Variants in NPAS3 observed in about 807,000 individuals in gnomAD.
The protein encoded by NPAS3 is neuronal PAS domain protein 3, also known as neuronal PAS domain-containing protein 3.
NPAS3 carries 14 observed loss-of-function variants against 73.1 expected under a neutral mutation model. The ratio of observed to expected loss-of-function variants is 0.19; its 90% CI spans 0.13 to 0.30. NPAS3 has a LOEUF of 0.30. Among genes scored for constraint, NPAS3 ranks in the 10% least tolerant of loss-of-function variants. The probability of loss-of-function intolerance (pLI) is 1.00; values close to 1 mark genes in which losing one functional copy is unlikely to be tolerated. For synonymous variants in NPAS3, 620 were observed against 541.5 expected (o/e 1.14, Z -2.01); for missense variants, 1,096 against 1,250.0 (o/e 0.88, Z 1.86).
rs56745336 is a variant in NPAS3 at position 33,142,661 on chromosome 14, G to A, written c.141-72521G>A. ...CTTTTACATCTTTTGTTAACTTAAG[G>A]AATATCTATTTGATCTTTTTATTGG... On this transcript the variant is annotated intron_variant, in intron 2 of 11. Coordinates refer to ENST00000356141, the Ensembl canonical transcript of NPAS3. Among the ~76,000 whole-genome samples the A allele has an allele frequency of 3.8e-3, 576 of 152,240 alleles. 2 individuals are homozygous for A. Among genetic ancestry groups the A allele is most frequent in the African/African-American group, 0.013 (560 of 41,548 alleles).
chr14:33,611,548 T>G (rs1266495624), intron 5 of NPAS3, among the ~76,000 whole-genome samples: 1 of 144,248 alleles, frequency 6.9e-6, no homozygotes, highest in East Asian at 2.2e-4. Flanking sequence ...CTCCAGAGCT[T>G]ATAATGCCCT....
intron 1 of NPAS3, among the ~76,000 whole-genome samples, chr14:32,985,930 A>T (rs1263184130): frequency 6.6e-6 from 1 of 152,232 alleles, no homozygotes; most frequent in African/African-American, 2.4e-5. Flanking sequence ...AAGGTCCACG[A>T]TTCTTCATAA....
chr14:33,712,514 T>A (rs1392743461), intron 6 of NPAS3, among the ~76,000 whole-genome samples: 3 of 152,172 alleles, frequency 2.0e-5, no homozygotes, highest in Non-Finnish European at 4.4e-5. Context: ...AATGCACAAC[T>A]TTTTTAGTGT....
downstream of NPAS3, chr14:33,802,383 A>AAG (rs1472328556): frequency 1.3e-5 from 2 of 150,136 alleles, no homozygotes; most frequent in Non-Finnish European, 3.0e-5. Context: ...AAGTAAAAAA[A>AAG]AAAAAAAAGA....
chr14:33,444,241 G>T (rs892613476), intron 4 of NPAS3, among the ~76,000 whole-genome samples: 3 of 152,172 alleles, frequency 2.0e-5, no homozygotes, highest in African/African-American at 7.2e-5. Flanking sequence ...GACCACAGTT[G>T]CAGTGTTACA....
intron 3 of NPAS3, among the ~76,000 whole-genome samples, chr14:33,225,024 C>T (rs2047573851): frequency 6.6e-6 from 1 of 152,154 alleles, no homozygotes; most frequent in African/African-American, 2.4e-5. Context: ...AAACAAGCCT[C>T]TGTCCAAATG....
At chr14:33,690,936 G>A (rs1054229653) in intron 6 of NPAS3, among the ~76,000 whole-genome samples, 2 of 149,772 alleles carry the variant, frequency 1.3e-5, no homozygotes, top group Non-Finnish European at 3.0e-5. Flanking sequence ...GTTTTTAAGT[G>A]TCATAAATAA....
At chr14:33,687,886 G>A (rs2060132918) in intron 6 of NPAS3, among the ~76,000 whole-genome samples, 2 of 152,156 alleles carry the variant, frequency 1.3e-5, no homozygotes, top group Admixed American at 1.3e-4. Context: ...CCCAATAGGA[G>A]TCAAAAAATT....
intron 1 of NPAS3, among the ~76,000 whole-genome samples, chr14:33,036,550 G>T (rs2040175644): frequency 6.6e-6 from 1 of 152,068 alleles, no homozygotes. Context: ...CCAGAATAAA[G>T]CACAGTATAG....
At chr14:33,105,631 A>G (rs1025408118) in intron 2 of NPAS3, among the ~76,000 whole-genome samples, 1 of 152,176 alleles carries the variant, frequency 6.6e-6, no homozygotes, top group Non-Finnish European at 1.5e-5. Flanking sequence ...TTAGATAAAT[A>G]TGCAGATGTG....
chr14:33,711,099 C>T (rs1215043368), intron 6 of NPAS3, among the ~76,000 whole-genome samples: 7 of 152,106 alleles, frequency 4.6e-5, no homozygotes, highest in African/African-American at 7.2e-5. Flanking sequence ...TTTTACCAGA[C>T]GAGGATTTGT....
At chr14:33,771,133 A>G (rs1041401412) in intron 7 of NPAS3, among the ~76,000 whole-genome samples, 1 of 152,232 alleles carries the variant, frequency 6.6e-6, no homozygotes, top group African/African-American at 2.4e-5. Context: ...AAATTCAGCG[A>G]TCTACATGTT....
intron 4 of NPAS3, among the ~76,000 whole-genome samples, chr14:33,539,160 T>C (rs143196208): frequency 0.013 from 2,000 of 151,914 alleles, 16 homozygotes; most frequent in Non-Finnish European, 0.018. Flanking sequence ...AACATTGCGG[T>C]GTGCATGGGC....
chr14:33,659,326 C>A (rs558475556), intron 5 of NPAS3, among the ~76,000 whole-genome samples: 1 of 152,254 alleles, frequency 6.6e-6, no homozygotes, highest in East Asian at 1.9e-4. Context: ...TGGTTTCATT[C>A]CCAAGCCATT....
chr14:32,938,457 AAGAG>A (rs139406191), upstream of NPAS3, among the ~76,000 whole-genome samples: 97 of 68,654 alleles, frequency 1.4e-3, no homozygotes, highest in African/African-American at 4.7e-3. Flanking sequence ...CCCAACGAGA[AAGAG>A]AGAGAGAGAG....
intron 9 of NPAS3, among the ~76,000 whole-genome samples, chr14:33,778,967 G>A (rs544922637): frequency 1.3e-5 from 2 of 152,304 alleles, no homozygotes; most frequent in South Asian, 4.1e-4. Context: ...ATAAGCCAGA[G>A]CCTTATAAAA....
chr14:33,312,272 G>A (rs183229627), intron 3 of NPAS3, among the ~76,000 whole-genome samples: 5 of 151,940 alleles, frequency 3.3e-5, no homozygotes, highest in Non-Finnish European at 5.9e-5. Flanking sequence ...TTGGTCCTTC[G>A]AGTTATCTTT....
At chr14:33,310,790 TACAC>T (rs57506320) in intron 3 of NPAS3, among the ~76,000 whole-genome samples, 11,405 of 142,116 alleles carry the variant, frequency 0.08, 640 homozygotes, top group Admixed American at 0.2. Context: ...AAATGTATGG[TACAC>T]ACACACACAC....
At chr14:33,770,662 G>A (rs770478422) in intron 7 of NPAS3, among the ~76,000 whole-genome samples, 24 of 152,210 alleles carry the variant, frequency 1.6e-4, no homozygotes, top group Non-Finnish European at 2.9e-4. Flanking sequence ...CACTTTGGGA[G>A]GCCGAGGTGG....
Sources: gnomAD v4.1 joint callset for allele counts (sites outside exome capture counted in the v4.1 genomes callset) on GRCh38, gnomAD v4.1.1 for gene constraint, MANE v1.5 for transcripts, NCBI Gene and HGNC (gene_info 2026-07-23, HGNC 2026-07-21) for gene names.